The following MSRB2 variants were observed in gnomAD, a reference collection of about 807,000 sequenced individuals.
The protein encoded by MSRB2 is methionine-R-sulfoxide reductase B2, mitochondrial.
A neutral mutation model predicts 19.0 loss-of-function variants in MSRB2; 17 were observed. The ratio of observed to expected loss-of-function variants is 0.89; its 90% CI spans 0.61 to 1.34. The LOEUF (loss-of-function observed/expected upper bound fraction) is 1.34, where lower values mean the gene tolerates loss of function less well. MSRB2 is among the 40% of genes most tolerant of loss of function. The probability of loss-of-function intolerance (pLI) is 0.00; values close to 1 mark genes in which losing one functional copy is unlikely to be tolerated. For synonymous variants in MSRB2, 107 were observed against 99.7 expected, an observed-to-expected ratio of 1.07 and a Z score of -0.44; for missense variants, 208 against 237.6, an observed-to-expected ratio of 0.88 and a Z score of 0.82.
intron 2 of MSRB2, among the ~76,000 whole-genome samples, chr10:23,105,534 C>T (rs1839979531): frequency 6.6e-6 from 1 of 152,120 alleles, no homozygotes; most frequent in East Asian, 1.9e-4. Context: ...TGTTCAAATT[C>T]TTTAGCTCTC....
chr10:23,109,933 C>CA (rs966994604), intron 2 of MSRB2, among the ~76,000 whole-genome samples: 1 of 152,212 alleles, frequency 6.6e-6, no homozygotes, highest in Non-Finnish European at 1.5e-5. Flanking sequence ...CACACAGTCA[C>CA]AGAGGACAAG....
intron 1 of MSRB2, among the ~76,000 whole-genome samples, chr10:23,098,265 A>G (rs1839888629): frequency 6.6e-6 from 1 of 152,198 alleles, no homozygotes; most frequent in Non-Finnish European, 1.5e-5. Flanking sequence ...AATTGGCAGT[A>G]TAGCAACTGT....
At chr10:23,103,604 G>T (rs79976649) in intron 1 of MSRB2, among the ~76,000 whole-genome samples, 2,384 of 152,264 alleles carry the variant, frequency 0.016, 31 homozygotes, top group Non-Finnish European at 0.023. Context: ...TCTCTTTCAG[G>T]ACTATATGCT....
chr10:23,119,368 G>A lies in MSRB2; in HGVS notation c.361G>A (p.Gly121Ser). ...GTTTTCCGAGGCTCATGGTACGTCTGGCTCTGATGAAAGCCACACAGGGAT... is the reference window on the plus strand; with the variant it reads ...GTTTTCCGAGGCTCATGGTACGTCTAGCTCTGATGAAAGCCACACAGGGAT... ...PSFSEAHGTS[G>S]SDESHTGILR... Residue 121 changes from glycine (G) to serine (S), a missense_variant, in exon 4 of 5, where the codon GGC becomes AGC. Coordinates refer to ENST00000376510, the MANE Select transcript of MSRB2 (RefSeq NM_012228.4). The A allele has an allele frequency of 6.2e-7, 1 of 1,614,126 alleles. No homozygotes were observed. The highest frequency in any genetic ancestry group is 8.5e-7 in the Non-Finnish European group (1 of 1,179,996).
At chr10:23,117,938 A>T (rs1192269917) in intron 3 of MSRB2, among the ~76,000 whole-genome samples, 1 of 152,246 alleles carries the variant, frequency 6.6e-6, no homozygotes, top group Non-Finnish European at 1.5e-5. Context: ...GGAAATGCTC[A>T]CTGGAGTATT....
intron 2 of MSRB2, among the ~76,000 whole-genome samples, chr10:23,108,546 G>A (rs531984873): frequency 1.5e-4 from 23 of 150,652 alleles, no homozygotes; most frequent in African/African-American, 5.6e-4. Flanking sequence ...CACAATCTCG[G>A]CTCACTGCAA....
At chr10:23,119,536 C>T (rs1209290340) in intron 4 of MSRB2, 85 bp downstream of exon 4, 1 of 1,478,262 alleles carries the variant, frequency 6.8e-7, no homozygotes, top group Non-Finnish European at 9.2e-7. Context: ...AATCTGGTGT[C>T]CTTTTATAGG....
At chr10:23,112,113 A>C (rs1840063899) in intron 3 of MSRB2, among the ~76,000 whole-genome samples, 1 of 152,178 alleles carries the variant, frequency 6.6e-6, no homozygotes, top group Non-Finnish European at 1.5e-5. Context: ...AAGCCCATTG[A>C]CCAAGTGGCC....
chr10:23,097,082 A>G (rs999275992), intron 1 of MSRB2, among the ~76,000 whole-genome samples: 2 of 152,246 alleles, frequency 1.3e-5, no homozygotes, highest in African/African-American at 4.8e-5. Flanking sequence ...GAACAAAGAG[A>G]TATATGCAAA....
At chr10:23,108,657 G>T (rs928453794) in intron 2 of MSRB2, among the ~76,000 whole-genome samples, 1 of 151,676 alleles carries the variant, frequency 6.6e-6, no homozygotes, top group Non-Finnish European at 1.5e-5. Context: ...TGCATTTTTA[G>T]TAGAGATGGG....
intron 2 of MSRB2, among the ~76,000 whole-genome samples, chr10:23,108,524 G>A (rs1840008653): frequency 6.8e-6 from 1 of 146,558 alleles, no homozygotes; most frequent in Non-Finnish European, 1.5e-5. Flanking sequence ...CGCCCAGGCT[G>A]GAGTGCAGTG....
intron 3 of MSRB2, among the ~76,000 whole-genome samples, chr10:23,117,976 T>C (rs1219585562): frequency 1.3e-5 from 2 of 152,184 alleles, no homozygotes; most frequent in Non-Finnish European, 2.9e-5. Context: ...AGCCATCAAG[T>C]AAAATGCAAA....
intron 3 of MSRB2, among the ~76,000 whole-genome samples, chr10:23,114,214 G>T (rs898764342): frequency 1.8e-4 from 28 of 152,062 alleles, no homozygotes; most frequent in African/African-American, 6.5e-4. Context: ...GTTGGGCGTG[G>T]TAGCACATGC....
At chr10:23,099,665 A>G (rs7919629) in intron 1 of MSRB2, among the ~76,000 whole-genome samples, 66,407 of 151,996 alleles carry the variant, frequency 0.44, 15,040 homozygotes, top group African/African-American at 0.57. Context: ...GCTGTAGTGT[A>G]CTTTGATCAT....
At chr10:23,099,932 C>T (rs542455123) in intron 1 of MSRB2, among the ~76,000 whole-genome samples, 5 of 152,240 alleles carry the variant, frequency 3.3e-5, no homozygotes, top group Non-Finnish European at 7.3e-5. Flanking sequence ...CTCTAATTCC[C>T]ACTTTCCAGT....
At chr10:23,120,616 G>T (rs1840170608) in intron 4 of MSRB2, 142 bp from the exon 5 acceptor site, 1 of 544,340 alleles carries the variant, frequency 1.8e-6, no homozygotes, top group African/African-American at 1.9e-5. Context: ...TTTCTTAATT[G>T]AATTCGGATG....
intron 1 of MSRB2, among the ~76,000 whole-genome samples, chr10:23,101,234 C>T (rs1839923675): frequency 6.6e-6 from 1 of 152,138 alleles, no homozygotes; most frequent in South Asian, 2.1e-4. Flanking sequence ...AGCTCAGCTC[C>T]CACTTATGAA....
intron 3 of MSRB2, among the ~76,000 whole-genome samples, chr10:23,112,146 C>T (rs1840064201): frequency 1.3e-5 from 2 of 152,310 alleles, no homozygotes; most frequent in Middle Eastern, 3.4e-3. Flanking sequence ...TGCCAATTCA[C>T]TAACTTTATT....
chr10:23,111,158 C>T (rs186849535), intron 3 of MSRB2, among the ~76,000 whole-genome samples: 9 of 152,260 alleles, frequency 5.9e-5, no homozygotes, highest in African/African-American at 1.4e-4. Flanking sequence ...CTTAGGAAGC[C>T]GGACCCGCCT....
Sources: gnomAD v4.1 joint callset for allele counts (sites outside exome capture counted in the v4.1 genomes callset) on GRCh38, gnomAD v4.1.1 for gene constraint, MANE v1.5 for transcripts, NCBI Gene and HGNC (gene_info 2026-07-23, HGNC 2026-07-21) for gene names.